AFF1: variants seen among roughly 807,000 people sequenced by gnomAD.
AFF1 encodes the protein ALF transcription elongation factor 1.
A neutral mutation model predicts 121.7 loss-of-function variants in AFF1; 48 were observed. That is an observed-to-expected ratio of 0.39 (90% CI 0.31 to 0.50). The LOEUF is 0.50. Ranked by LOEUF, AFF1 falls within the 20% of genes least tolerant of loss-of-function variation. The probability of loss-of-function intolerance (pLI) is 0.76; values close to 1 mark genes in which losing one functional copy is unlikely to be tolerated. For synonymous variants in AFF1, 613 were observed against 563.0 expected (o/e 1.09, Z -1.26); for missense variants, 1,523 against 1,511.7 (o/e 1.01, Z -0.12).
intron 4 of AFF1, among the ~76,000 whole-genome samples, chr4:87,074,056 G>A (rs540551084): frequency 6.5e-4 from 99 of 151,942 alleles, no homozygotes; most frequent in Non-Finnish European, 1.3e-3. Flanking sequence ...ACACCACCAC[G>A]CTGCAGTTTC....
intron 4 of AFF1, among the ~76,000 whole-genome samples, chr4:87,055,563 T>C (rs1269367938): frequency 6.6e-6 from 1 of 152,166 alleles, no homozygotes; most frequent in East Asian, 1.9e-4. Flanking sequence ...ATTCAACTCT[T>C]TTGAATCTTC....
At chr4:87,124,843 T>C (rs1448053170) in intron 12 of AFF1, among the ~76,000 whole-genome samples, 194 bp from the exon 13 acceptor site, 2 of 152,294 alleles carry the variant, frequency 1.3e-5, no homozygotes, top group African/African-American at 4.8e-5. Context: ...TTATATCAAA[T>C]CTACATTGTC....
chr4:86,956,383 A>C (rs1011500137), intron 2 of AFF1, among the ~76,000 whole-genome samples: 2 of 152,212 alleles, frequency 1.3e-5, no homozygotes, highest in African/African-American at 4.8e-5. Context: ...TTTTGCATAT[A>C]AGAAGACACT....
At chr4:87,096,886 G>T (rs1405399080) in intron 8 of AFF1, among the ~76,000 whole-genome samples, 3 of 152,154 alleles carry the variant, frequency 2.0e-5, no homozygotes, top group Middle Eastern at 3.2e-3. Context: ...TGGATTACCA[G>T]CACACACCAC....
intron 2 of AFF1, among the ~76,000 whole-genome samples, chr4:86,949,490 A>C (rs963238004): frequency 2.0e-5 from 3 of 146,696 alleles, no homozygotes; most frequent in African/African-American, 7.5e-5. Flanking sequence ...AGTTGTTTTT[A>C]TTGTTACTTT....
chr4:87,007,322 C>G (rs529919056), intron 2 of AFF1: 2 of 1,603,650 alleles, frequency 1.2e-6, no homozygotes, highest in Admixed American at 3.4e-5. Flanking sequence ...CCCGGCTCCG[C>G]CAAATGGTGA....
At chr4:87,129,128 C>T (rs1256912622) in intron 16 of AFF1, among the ~76,000 whole-genome samples, 1 of 152,176 alleles carries the variant, frequency 6.6e-6, no homozygotes, top group African/African-American at 2.4e-5. Context: ...TGGTTTATGC[C>T]TGTTTCATCC....
At chr4:87,022,764 A>G (rs1244768566) in intron 2 of AFF1, among the ~76,000 whole-genome samples, 4 of 147,136 alleles carry the variant, frequency 2.7e-5, no homozygotes, top group East Asian at 2.0e-4. Flanking sequence ...ATATAATATC[A>G]TGTGTGTGTA....
intron 10 of AFF1, among the ~76,000 whole-genome samples, chr4:87,107,918 T>G (rs978828974): frequency 1.3e-5 from 2 of 152,198 alleles, no homozygotes; most frequent in Non-Finnish European, 2.9e-5. Context: ...ACTTGACATA[T>G]TCTTCAGGAG....
chr4:87,002,425 GTTTTTTT>G (rs3035506), intron 2 of AFF1, among the ~76,000 whole-genome samples: 14 of 68,180 alleles, frequency 2.1e-4, no homozygotes, highest in African/African-American at 7.2e-4. Context: ...GGGCAATGAA[GTTTTTTT>G]TTTTTTTTTT....
chr4:87,118,900 C>G (rs1727386088), intron 12 of AFF1, among the ~76,000 whole-genome samples: 4 of 152,186 alleles, frequency 2.6e-5, no homozygotes, highest in Non-Finnish European at 5.9e-5. Context: ...AAGCAAGAGG[C>G]TCAGGAACAC....
chr4:86,970,073 T>C (rs1386366759), intron 2 of AFF1, among the ~76,000 whole-genome samples: 1 of 151,916 alleles, frequency 6.6e-6, no homozygotes, highest in Non-Finnish European at 1.5e-5. Context: ...ATGAATCTTT[T>C]GGGGGAATAT....
chr4:87,120,637 C>T (rs1287790424), intron 12 of AFF1, among the ~76,000 whole-genome samples: 3 of 152,320 alleles, frequency 2.0e-5, no homozygotes, highest in East Asian at 1.9e-4. Flanking sequence ...CTGGCTCTGG[C>T]GCTGCCGGTG....
In AFF1 at chr4:86,952,316, G is replaced by A. The variant is rs377183401; in HGVS notation, c.38+3745G>A. ...TATTAAAACGTCTTCCTATAAGAAT[G>A]TAGATATCAGACTGGTGAAAATTTA... On this transcript the variant is annotated intron_variant, in intron 2 of 20. Transcript: ENST00000395146. Among the ~76,000 whole-genome samples the A allele has an allele frequency of 1.4e-4, 22 of 152,278 alleles. 1 individual carries two copies. In the South Asian group the frequency reaches 4.6e-3, roughly 32 times the overall value.
chr4:87,062,371 C>T (rs1221743180), intron 4 of AFF1, among the ~76,000 whole-genome samples: 2 of 152,208 alleles, frequency 1.3e-5, no homozygotes, highest in Non-Finnish European at 2.9e-5. Context: ...AGGCACTGAT[C>T]CCATCCATGA....
At chr4:87,104,805 A>G (rs1204024885) in intron 8 of AFF1, among the ~76,000 whole-genome samples, 2 of 152,116 alleles carry the variant, frequency 1.3e-5, no homozygotes, top group African/African-American at 2.4e-5. Context: ...GCTTTTTACT[A>G]TTTAGGTTCA....
chr4:86,980,236 C>T (rs1029404390), intron 2 of AFF1, among the ~76,000 whole-genome samples: 22 of 152,114 alleles, frequency 1.4e-4, no homozygotes, highest in African/African-American at 5.3e-4. Context: ...CTAAGATACA[C>T]TGGCAAAATA....
chr4:86,971,601 C>G (rs951730115), intron 2 of AFF1, among the ~76,000 whole-genome samples: 1 of 152,182 alleles, frequency 6.6e-6, no homozygotes, highest in Non-Finnish European at 1.5e-5. Context: ...TTTGCTTTAT[C>G]AGAAGCTTAT....
intron 4 of AFF1, among the ~76,000 whole-genome samples, chr4:87,060,853 A>AAAAAAAC (rs1720697842): frequency 2.1e-5 from 1 of 48,748 alleles, no homozygotes. Context: ...AAAAAAAAAA[A>AAAAAAAC]AAAAAAAAAA....
Sources: gnomAD v4.1 joint callset for allele counts (sites outside exome capture counted in the v4.1 genomes callset) on GRCh38, gnomAD v4.1.1 for gene constraint, MANE v1.5 for transcripts, NCBI Gene and HGNC (gene_info 2026-07-23, HGNC 2026-07-21) for gene names.